The following FGD6 variants were observed in gnomAD, a reference collection of about 807,000 sequenced individuals.
FGD6 encodes the protein FYVE, RhoGEF and PH domain-containing protein 6.
A neutral mutation model predicts 149.4 loss-of-function variants in FGD6; 90 were observed. The ratio of observed to expected loss-of-function variants is 0.60; its 90% CI spans 0.51 to 0.72. The LOEUF (loss-of-function observed/expected upper bound fraction) is 0.72, where lower values mean the gene tolerates loss of function less well. FGD6 is among the 30% of genes least tolerant of loss of function. The probability of loss-of-function intolerance (pLI) is 0.00; values close to 1 mark genes in which losing one functional copy is unlikely to be tolerated. For missense variants in FGD6, 1,437 were observed against 1,684.8 expected (o/e 0.85, Z 2.57); for synonymous variants, 527 against 584.0 (o/e 0.90, Z 1.41).
At chr12:95,197,729 G>A (rs1164304504) in intron 2 of FGD6, among the ~76,000 whole-genome samples, 1 of 152,088 alleles carries the variant, frequency 6.6e-6, no homozygotes, top group African/African-American at 2.4e-5. Flanking sequence ...GAGAAACAGG[G>A]ATAAACTGGT....
At chr12:95,106,109 TA>T (rs71307547) in intron 13 of FGD6, among the ~76,000 whole-genome samples, 1 of 88,776 alleles carries the variant, frequency 1.1e-5, no homozygotes, top group Non-Finnish European at 2.5e-5. Context: ...GAATTTTCTC[TA>T]AAATATATAT....
Position 95,113,843 on chromosome 12 carries a change from A to C in FGD6, c.3083-142T>G, listed in dbSNP as rs1367235219. On this transcript the variant is annotated intron_variant, in intron 8 of 20. Coordinates refer to ENST00000343958, the MANE Select transcript of FGD6 (RefSeq NM_018351.4). ...TGTGCTAACTTTCTAAAAATGTGAA[A>C]AAATAAAGCCCTGAGATCAATTTGA... 6.6e-5 allele frequency: 34 copies of C among 517,750 alleles called. No homozygotes were observed. The East Asian group carries it at 1.1e-3, about 17-fold the overall frequency. The allele number at this position is 517,750 out of a possible 1,614,324, so 32.1% of individuals were successfully genotyped here.
intron 2 of FGD6, among the ~76,000 whole-genome samples, chr12:95,175,799 CAAAAAAAAAAAA>C (rs61051041): frequency 2.6e-5 from 1 of 38,912 alleles, no homozygotes; most frequent in Non-Finnish European, 5.0e-5. Context: ...GACTCTGTCT[CAAAAAAAAAAAA>C]AAAAAAAAGA....
chr12:95,138,501 G>A (rs1361764925), intron 6 of FGD6, among the ~76,000 whole-genome samples: 1 of 150,258 alleles, frequency 6.7e-6, no homozygotes, highest in Admixed American at 6.6e-5. Context: ...CCGAGATTGT[G>A]CCCACTGCAC....
At chr12:95,202,417 A>C (rs951978710) in intron 2 of FGD6, among the ~76,000 whole-genome samples, 2 of 151,788 alleles carry the variant, frequency 1.3e-5, no homozygotes, top group Non-Finnish European at 2.9e-5. Context: ...AAATAAAATA[A>C]AATAAAATAA....
At chr12:95,202,724 A>C in intron 2 of FGD6, among the ~76,000 whole-genome samples, 1 of 152,184 alleles carries the variant, frequency 6.6e-6, no homozygotes, top group South Asian at 2.1e-4. Flanking sequence ...AAAAAAGAAC[A>C]GCTTTATTGC....
intron 2 of FGD6, among the ~76,000 whole-genome samples, chr12:95,175,014 G>A (rs1881095339): frequency 6.6e-6 from 1 of 151,698 alleles, no homozygotes; most frequent in Non-Finnish European, 1.5e-5. Flanking sequence ...TCATTTGGAA[G>A]GCTATTATTA....
At position 95,209,231 on chromosome 12, in the gene FGD6, T is replaced by C. The variant is rs887197490; in HGVS notation, c.2053A>G (p.Ser685Gly). 2.8e-5 allele frequency: 45 copies of C among 1,614,040 alleles called. No homozygotes were observed. Among genetic ancestry groups the C allele is most frequent in the Non-Finnish European group, 3.6e-5 (43 of 1,180,030 alleles). Residue 685 changes from serine (S) to glycine (G), a missense_variant, in exon 2 of 21, where the codon AGT becomes GGT. Coordinates refer to ENST00000343958, the MANE Select transcript of FGD6 (RefSeq NM_018351.4). ...QGLLVGEEKR[S>G]KPIKAYSTEN... ...GTGGAATATGCCTTGATGGGTTTAC[T>C]TCTCTTCTCCTCTCCTACCAACAAG...
At chr12:95,124,558 T>C (rs1488885494) in intron 8 of FGD6, among the ~76,000 whole-genome samples, 1 of 152,206 alleles carries the variant, frequency 6.6e-6, no homozygotes, top group Admixed American at 6.5e-5. Context: ...CTGCTTGCTA[T>C]AGCTCTGCCA....
At position 95,094,517 on chromosome 12, in the gene FGD6, T is replaced by G. The variant is rs894796208; in HGVS notation, c.3600+75A>C. The G allele has an allele frequency of 6.0e-6, 6 of 996,988 alleles. No homozygotes were observed. The African/African-American group carries it at 6.5e-5, about 11-fold the overall frequency. The allele number at this position is 996,988 out of a possible 1,614,324, so 61.8% of individuals were successfully genotyped here. Reference sequence around the variant, plus strand: ...ATTTTCTGAAACACATGTTGCTTTCTTAAACCCCTGTGAAATGTTTAAGGT... The same window carrying G: ...ATTTTCTGAAACACATGTTGCTTTCGTAAACCCCTGTGAAATGTTTAAGGT... On this transcript the variant is annotated intron_variant, in intron 15 of 20. Transcript: ENST00000343958.
intron 9 of FGD6, among the ~76,000 whole-genome samples, chr12:95,109,636 G>A (rs897863368): frequency 2.6e-5 from 4 of 152,114 alleles, no homozygotes; most frequent in Non-Finnish European, 1.5e-5. Flanking sequence ...GCTGAGGTGG[G>A]CGGATCATTT....
In FGD6 at chr12:95,162,100, C is replaced by CAAA. The variant is rs762218917; in HGVS notation, c.2587-9110_2587-9108dup. Among the ~76,000 whole-genome samples, 142 of 61,800 alleles carry CAAA rather than the reference C, an allele frequency of 2.3e-3. 2 individuals are homozygous for CAAA. Among genetic ancestry groups the CAAA allele is most frequent in the Admixed American group, 3.3e-3 (15 of 4,524 alleles). The allele number at this position is 61,800 out of a possible 152,430, so 40.5% of individuals were successfully genotyped here. ...ACAACATAGTGACACCTGAAAAATA[C>CAAA]AAAAAAAAAAAAAAAAAAAGCCAGG... On this transcript the variant is annotated intron_variant, in intron 3 of 20. Coordinates refer to ENST00000343958, the MANE Select transcript of FGD6 (RefSeq NM_018351.4).
At chr12:95,102,236 G>A (rs1434567167) in intron 14 of FGD6, among the ~76,000 whole-genome samples, 1 of 151,856 alleles carries the variant, frequency 6.6e-6, no homozygotes, top group Non-Finnish European at 1.5e-5. Flanking sequence ...TTGAGGTCAG[G>A]AGTTTAAGAC....
chr12:95,144,717 T>G (rs571314148), intron 5 of FGD6, among the ~76,000 whole-genome samples: 129 of 147,682 alleles, frequency 8.7e-4, no homozygotes, highest in African/African-American at 3.0e-3. Context: ...GAAAGAGTTT[T>G]GCTCTTGTTG....
rs553560030 is a variant in FGD6 at position 95,128,677 on chromosome 12, G to A, written c.3082+6062C>T. Reference sequence around the variant, plus strand: ...GAATTGAGAAGGAGAAGGCTCAGTGGGGGCCTAAGTGATTGGGCATGACCT... The same window carrying A: ...GAATTGAGAAGGAGAAGGCTCAGTGAGGGCCTAAGTGATTGGGCATGACCT... On this transcript the variant is annotated intron_variant, in intron 8 of 20. Transcript: ENST00000343958. Among the ~76,000 whole-genome samples, 312 of 152,298 alleles carry A rather than the reference G, an allele frequency of 2.0e-3. 1 individual carries two copies. Among genetic ancestry groups the A allele is most frequent in the African/African-American group, 6.9e-3 (287 of 41,554 alleles).
At position 95,108,578 on chromosome 12, in the gene FGD6, C is replaced by CA. The variant is rs749180113; in HGVS notation, c.3134-18dup. On this transcript the variant is annotated splice_polypyrimidine_tract_variant and intron_variant, in intron 9 of 20. Coordinates refer to ENST00000343958, the MANE Select transcript of FGD6 (RefSeq NM_018351.4). ...CAAGGGCATCTGAAATAGGCAGGAA[C>CA]AAAACGTGCATTTAGTAATTACAAT... 3.1e-6 allele frequency: 5 copies of CA among 1,613,734 alleles called. No homozygotes were observed. The highest frequency in any genetic ancestry group is 3.4e-6 in the Non-Finnish European group (4 of 1,179,714).
chr12:95,190,526 C>T (rs1400713333), intron 2 of FGD6, among the ~76,000 whole-genome samples: 1 of 152,054 alleles, frequency 6.6e-6, no homozygotes, highest in Non-Finnish European at 1.5e-5. Flanking sequence ...TTAGGTAATA[C>T]TCTTAAATCT....
At position 95,181,941 on chromosome 12, in the gene FGD6, C is replaced by CAA. The variant is rs767271799; in HGVS notation, c.2442-9199_2442-9198dup. 2.1e-3 allele frequency among the ~76,000 whole-genome samples: 214 copies of CAA among 101,562 alleles called. 1 individual carries two copies. The highest frequency in any genetic ancestry group is 8.0e-3 in the South Asian group (25 of 3,110). The allele number at this position is 101,562 out of a possible 152,430, so 66.6% of individuals were successfully genotyped here. A position where few individuals can be genotyped will look rare whatever the true frequency, so the allele number is the denominator to read the frequency against. ...CCTGAGAGACACAGCGAGATTCTCT[C>CAA]AAAAAAAAAAAAAAAACAAAGGCAA... On this transcript the variant is annotated intron_variant, in intron 2 of 20. Coordinates refer to ENST00000343958, the MANE Select transcript of FGD6 (RefSeq NM_018351.4).
chr12:95,092,253 C>G (rs1878080629), intron 16 of FGD6, among the ~76,000 whole-genome samples: 1 of 152,154 alleles, frequency 6.6e-6, no homozygotes, highest in Non-Finnish European at 1.5e-5. Context: ...TTTAGAGTGA[C>G]TCTCTGATGT....
Sources: gnomAD v4.1 joint callset for allele counts (sites outside exome capture counted in the v4.1 genomes callset) on GRCh38, gnomAD v4.1.1 for gene constraint, MANE v1.5 for transcripts, NCBI Gene and HGNC (gene_info 2026-07-23, HGNC 2026-07-21) for gene names.